The following SMG6 variants were observed in gnomAD, a reference collection of about 807,000 sequenced individuals.
SMG6 encodes SMG6 nonsense mediated mRNA decay factor, also known as telomerase-binding protein EST1A.
SMG6 carries 66 observed loss-of-function variants against 142.2 expected under a neutral mutation model. The ratio of observed to expected loss-of-function variants is 0.46; its 90% CI spans 0.38 to 0.57. SMG6 has a LOEUF of 0.57. Among genes scored for constraint, SMG6 ranks in the 20% least tolerant of loss-of-function variants. SMG6 has a pLI of 0.00. For missense variants in SMG6, 1,793 were observed against 1,832.0 expected (o/e 0.98, Z 0.39); for synonymous variants, 779 against 702.4 (o/e 1.11, Z -1.72).
chr17:2,206,148 C>T (rs1308943608), intron 10 of SMG6, among the ~76,000 whole-genome samples: 1 of 152,048 alleles, frequency 6.6e-6, no homozygotes, highest in Non-Finnish European at 1.5e-5. Flanking sequence ...TTATCACATG[C>T]TGTTAAAAGA....
intron 8 of SMG6, among the ~76,000 whole-genome samples, chr17:2,267,230 G>A (rs996847128): frequency 2.0e-5 from 3 of 152,052 alleles, no homozygotes; most frequent in African/African-American, 7.2e-5. Flanking sequence ...TTTGAGGCAG[G>A]GTCTCACTCT....
intron 13 of SMG6, among the ~76,000 whole-genome samples, chr17:2,113,838 G>A (rs1320568992): frequency 6.6e-6 from 1 of 152,192 alleles, no homozygotes; most frequent in Non-Finnish European, 1.5e-5. Context: ...CGAGAGTGGT[G>A]GAACTAGTTA....
intron 8 of SMG6, among the ~76,000 whole-genome samples, chr17:2,278,023 G>A (rs2074700418): frequency 6.6e-6 from 1 of 151,998 alleles, no homozygotes; most frequent in African/African-American, 2.4e-5. Flanking sequence ...ACCCCAGCCT[G>A]GGAAACAGAG....
intron 13 of SMG6, among the ~76,000 whole-genome samples, chr17:2,144,383 T>A (rs941405462): frequency 4.6e-5 from 7 of 151,882 alleles, no homozygotes; most frequent in Non-Finnish European, 1.0e-4. Flanking sequence ...TTTTAAATCT[T>A]TTTGTAGAGA....
intron 12 of SMG6, 130 bp from the exon 13 acceptor site, chr17:2,172,989 ACCCC>A: frequency 1.2e-6 from 1 of 864,282 alleles, no homozygotes; most frequent in Non-Finnish European, 1.8e-6. Context: ...AGGAAATCAT[ACCCC>A]AAAAATGCTA....
Position 2,061,462 on chromosome 17 carries a change from C to A in SMG6, c.*30G>T, listed in dbSNP as rs1311525493. 1.4e-6 allele frequency: 2 copies of A among 1,457,960 alleles called. No individual in the cohort carries two copies. The highest frequency in any genetic ancestry group is 2.0e-5 in the African/African-American group (1 of 48,832). The allele number at this position is 1,457,960 out of a possible 1,614,324, so 90.3% of individuals were successfully genotyped here. Reference sequence around the variant, plus strand: ...GCCTGGTGGCCTTTCAGGAACGGTTCCACGGGGGGGGGGCCCCAGTGTGGC... The same window carrying A: ...GCCTGGTGGCCTTTCAGGAACGGTTACACGGGGGGGGGGCCCCAGTGTGGC... On this transcript the variant is annotated 3_prime_UTR_variant, in exon 19 of 19. Transcript: ENST00000263073.
At chr17:2,110,472 C>A (rs1218667187) in intron 13 of SMG6, among the ~76,000 whole-genome samples, 1 of 152,158 alleles carries the variant, frequency 6.6e-6, no homozygotes, top group African/African-American at 2.4e-5. Flanking sequence ...TACTATGACA[C>A]ACGCACACGC....
intron 13 of SMG6, among the ~76,000 whole-genome samples, chr17:2,109,061 C>T (rs970327465): frequency 1.3e-5 from 2 of 152,166 alleles, no homozygotes; most frequent in East Asian, 1.9e-4. Flanking sequence ...AATTATCTGG[C>T]GTTTTCTCAT....
intron 6 of SMG6, among the ~76,000 whole-genome samples, chr17:2,289,034 G>T (rs12602132): frequency 0.022 from 3,201 of 143,794 alleles, 45 homozygotes; most frequent in East Asian, 0.052. Flanking sequence ...AGCCGAGATT[G>T]CGCCACTGCA....
intron 13 of SMG6, among the ~76,000 whole-genome samples, chr17:2,161,335 C>T (rs1042102457): frequency 6.6e-6 from 1 of 151,856 alleles, no homozygotes; most frequent in African/African-American, 2.4e-5. Context: ...AACTCCCGAC[C>T]TCAGGTTGAT....
intron 13 of SMG6, among the ~76,000 whole-genome samples, chr17:2,104,547 T>C (rs1481612208): frequency 6.6e-6 from 1 of 151,020 alleles, no homozygotes; most frequent in African/African-American, 2.4e-5. Context: ...TTAAGGGGGT[T>C]GAAAAAAAAA....
intron 8 of SMG6, among the ~76,000 whole-genome samples, chr17:2,263,435 T>C (rs191114780): frequency 1.1e-3 from 171 of 152,284 alleles, no homozygotes; most frequent in African/African-American, 3.9e-3. Flanking sequence ...GTTCTAAGCA[T>C]GAACGACACG....
intron 13 of SMG6, among the ~76,000 whole-genome samples, chr17:2,120,442 C>T (rs1374423168): frequency 6.6e-6 from 1 of 152,186 alleles, no homozygotes; most frequent in African/African-American, 2.4e-5. Context: ...AAGTATACAA[C>T]TTCAGCTGGG....
intron 10 of SMG6, among the ~76,000 whole-genome samples, chr17:2,192,172 G>A (rs1334801516): frequency 1.3e-5 from 2 of 152,246 alleles, no homozygotes; most frequent in Non-Finnish European, 2.9e-5. Context: ...TGGGAGGCAG[G>A]CCCACCTGCC....
intron 1 of SMG6, among the ~76,000 whole-genome samples, chr17:2,302,148 A>G (rs2151421489): frequency 6.6e-6 from 1 of 152,116 alleles, no homozygotes; most frequent in Middle Eastern, 3.4e-3. Context: ...AGCTACTCGG[A>G]AGGCTGAGGT....
At position 2,303,646 on chromosome 17, in the gene SMG6, C is replaced by T; in HGVS notation, c.75G>A (p.Gln25=). 2 of 1,487,466 alleles carry T rather than the reference C, an allele frequency of 1.3e-6. No individual in the cohort carries two copies. The highest frequency in any genetic ancestry group is 1.8e-6 in the Non-Finnish European group (2 of 1,125,486). 92.1% of individuals were successfully genotyped at this position (1,487,466 alleles called of 1,614,324 possible). A position where few individuals can be genotyped will look rare whatever the true frequency, so the allele number is the denominator to read the frequency against. Residue 25 remains glutamine (Q), a synonymous_variant, in exon 1 of 19, where the codon CAG becomes CAA. Coordinates refer to ENST00000263073, the MANE Select transcript of SMG6 (RefSeq NM_017575.5). ...LRGILATLAP[Q]AGSRENMKEL... is the part of the protein sequence containing the mutation. ...GGCGCGACTCACCTCTGCTCCCGGC[C>T]TGCGGGGCCAGAGTAGCCAGGATCC...
At chr17:2,290,146 A>C (rs1162938546) in intron 6 of SMG6, among the ~76,000 whole-genome samples, 3 of 152,090 alleles carry the variant, frequency 2.0e-5, no homozygotes, top group Admixed American at 6.6e-5. Flanking sequence ...TTTACATGGG[A>C]AGGCAAAAGA....
chr17:2,126,513 G>C (rs1435364663), intron 13 of SMG6, among the ~76,000 whole-genome samples: 2 of 151,866 alleles, frequency 1.3e-5, no homozygotes, highest in Admixed American at 6.6e-5. Flanking sequence ...ATCACTTGAG[G>C]TCAGGAGTTG....
At chr17:2,180,223 A>G (rs1383718666) in intron 12 of SMG6, among the ~76,000 whole-genome samples, 1 of 152,172 alleles carries the variant, frequency 6.6e-6, no homozygotes, top group East Asian at 1.9e-4. Context: ...ATGGGAACAC[A>G]AACTATGCTA....
Sources: allele counts gnomAD v4.1 joint callset (sites outside exome capture counted in the v4.1 genomes callset), GRCh38; gene constraint gnomAD v4.1.1; transcripts MANE v1.5; gene names NCBI Gene and HGNC (gene_info 2026-07-23, HGNC 2026-07-21).